SND1: variants seen among roughly 807,000 people sequenced by gnomAD.
The protein encoded by SND1 is staphylococcal nuclease and tudor domain containing 1, also known as staphylococcal nuclease domain-containing protein 1.
SND1 carries 38 observed loss-of-function variants against 121.7 expected under a neutral mutation model. That is an observed-to-expected ratio of 0.31 (90% confidence interval 0.24 to 0.41). The LOEUF (loss-of-function observed/expected upper bound fraction) is 0.41, where lower values mean the gene tolerates loss of function less well. SND1 is among the 10% of genes least tolerant of loss of function. SND1 has a pLI of 1.00. For synonymous variants in SND1, 401 were observed against 447.4 expected, an observed-to-expected ratio of 0.90 and a Z score of 1.31; for missense variants, 868 against 1,184.6, an observed-to-expected ratio of 0.73 and a Z score of 3.92.
Position 128,011,095 on chromosome 7 carries a change from C to T in SND1, c.1779+20039C>T, listed in dbSNP as rs1411586425. On this transcript the variant is annotated intron_variant, in intron 16 of 23. Transcript: ENST00000354725. ...CCAACACCCAAGAAGTTTTGGCGCA[C>T]ACTGTCCCCCCCACCCCCAAACACA... Among the ~76,000 whole-genome samples the T allele has an allele frequency of 2.6e-5, 4 of 151,914 alleles. No individual in the cohort carries two copies. In the East Asian group the frequency reaches 7.7e-4, roughly 29 times the overall value.
intron 2 of SND1, chr7:127,687,101 TATTA>T (rs1467696149): frequency 1.1e-5 from 2 of 181,572 alleles, no homozygotes; most frequent in African/African-American, 4.7e-5. Flanking sequence ...AGAGCTCTTT[TATTA>T]ATTTATTTTT....
intron 16 of SND1, among the ~76,000 whole-genome samples, chr7:128,064,879 A>G (rs1293135076): frequency 1.3e-5 from 2 of 152,236 alleles, no homozygotes; most frequent in African/African-American, 4.8e-5. Flanking sequence ...ACAGATATTT[A>G]AAAGGTCAAA....
At chr7:128,024,371 A>T (rs1022375444) in intron 16 of SND1, among the ~76,000 whole-genome samples, 1 of 152,096 alleles carries the variant, frequency 6.6e-6, no homozygotes, top group Non-Finnish European at 1.5e-5. Flanking sequence ...AATCAGACAT[A>T]TGTTTGGATA....
At chr7:128,064,751 A>G (rs1408682629) in intron 16 of SND1, among the ~76,000 whole-genome samples, 4 of 152,156 alleles carry the variant, frequency 2.6e-5, no homozygotes, top group African/African-American at 4.8e-5. Flanking sequence ...TTCAAGGGCC[A>G]TGTTGTTGGG....
In SND1 at chr7:127,765,004, A is replaced by C. The variant is rs1447211763; in HGVS notation, c.1153-42480A>C. On this transcript the variant is annotated intron_variant, in intron 10 of 23. Coordinates refer to ENST00000354725, the MANE Select transcript of SND1 (RefSeq NM_014390.4). Reference sequence around the variant, plus strand: ...TGTCGCTGTTGATGAATGGGAGGAGATTAAAGCCTGATTTTTGCAACGAGT... The same window carrying C: ...TGTCGCTGTTGATGAATGGGAGGAGCTTAAAGCCTGATTTTTGCAACGAGT... Among the ~76,000 whole-genome samples, 3 of 152,150 alleles carry C rather than the reference A, an allele frequency of 2.0e-5. No homozygotes were observed. The East Asian group carries it at 5.8e-4, about 29-fold the overall frequency.
intron 16 of SND1, among the ~76,000 whole-genome samples, chr7:128,065,829 T>C (rs1436248247): frequency 1.3e-5 from 2 of 152,172 alleles, no homozygotes; most frequent in Non-Finnish European, 2.9e-5. Context: ...ACTGGGAACA[T>C]GAGGAGGAGC....
intron 10 of SND1, among the ~76,000 whole-genome samples, chr7:127,766,185 A>G (rs943691285): frequency 6.6e-6 from 1 of 152,226 alleles, no homozygotes; most frequent in African/African-American, 2.4e-5. Flanking sequence ...ACAAGGTGCC[A>G]TCTTGGAAGC....
At chr7:127,960,092 G>A (rs552694265) in intron 15 of SND1, among the ~76,000 whole-genome samples, 1 of 152,144 alleles carries the variant, frequency 6.6e-6, no homozygotes. Context: ...GGAACTTACC[G>A]GGTGGCAAGA....
At chr7:127,899,580 C>T (rs753664710) in intron 13 of SND1, among the ~76,000 whole-genome samples, 3 of 152,044 alleles carry the variant, frequency 2.0e-5, no homozygotes, top group Non-Finnish European at 2.9e-5. Context: ...GCCACATGGT[C>T]GAGACCCATG....
chr7:127,759,057 A>AATAGATAG (rs1289095272), intron 10 of SND1, among the ~76,000 whole-genome samples: 70,203 of 145,150 alleles, frequency 0.48, 17,039 homozygotes, highest in Middle Eastern at 0.52. Context: ...CTGTCTCAAA[A>AATAGATAG]ATAGATAGAT....
At chr7:127,908,317 AATG>A in intron 14 of SND1, among the ~76,000 whole-genome samples, 1 of 78,630 alleles carries the variant, frequency 1.3e-5, no homozygotes, top group East Asian at 4.0e-4. Context: ...AATAATAATA[AATG>A]TGTGTGTGTG....
At chr7:127,875,760 A>G (rs1471299731) in intron 12 of SND1, among the ~76,000 whole-genome samples, 9 of 152,122 alleles carry the variant, frequency 5.9e-5, no homozygotes, top group Non-Finnish European at 1.3e-4. Context: ...CATCCTGTAG[A>G]TGTTCATTAT....
intron 1 of SND1, among the ~76,000 whole-genome samples, chr7:127,664,566 T>C (rs888817260): frequency 1.3e-5 from 2 of 152,226 alleles, no homozygotes; most frequent in African/African-American, 4.8e-5. Context: ...TCCTGAGTTG[T>C]ATACTTTTAT....
At chr7:127,737,159 G>A (rs1796792044) in intron 10 of SND1, among the ~76,000 whole-genome samples, 1 of 152,234 alleles carries the variant, frequency 6.6e-6, no homozygotes, top group African/African-American at 2.4e-5. Context: ...CTGACCTTGA[G>A]GAGGATGATG....
intron 1 of SND1, among the ~76,000 whole-genome samples, chr7:127,659,627 A>G (rs186074545): frequency 1.3e-5 from 2 of 152,296 alleles, no homozygotes; most frequent in Admixed American, 1.3e-4. Flanking sequence ...CCTCATGTAT[A>G]TCAAGAGGAA....
At chr7:127,708,955 C>T (rs1452496388) in intron 9 of SND1, among the ~76,000 whole-genome samples, 1 of 152,182 alleles carries the variant, frequency 6.6e-6, no homozygotes, top group Non-Finnish European at 1.5e-5. Context: ...TTTTAAGCAA[C>T]CTCTGAGGAA....
At position 127,686,782 on chromosome 7, in the gene SND1, A is replaced by G. The variant is rs1260263108; in HGVS notation, c.228+20A>G. The G allele has an allele frequency of 1.2e-6, 2 of 1,604,964 alleles. No homozygotes were observed. The highest frequency in any genetic ancestry group is 1.1e-5 in the South Asian group (1 of 90,740). ...GATGAGGTAGGTGTTTCCTGAGGCC[A>G]TCGTGAGCCTGTGGACCTAGGTAAT... On this transcript the variant is annotated intron_variant, in intron 2 of 23. Coordinates refer to ENST00000354725, the MANE Select transcript of SND1 (RefSeq NM_014390.4).
At position 127,991,676 on chromosome 7, in the gene SND1, C is replaced by G. The variant is rs115364869; in HGVS notation, c.1779+620C>G. Among the ~76,000 whole-genome samples, 886 of 152,260 alleles carry G rather than the reference C, an allele frequency of 5.8e-3. 16 individuals are homozygous for G. Among genetic ancestry groups the G allele is most frequent in the African/African-American group, 0.02 (845 of 41,536 alleles). On this transcript the variant is annotated intron_variant, in intron 16 of 23. Transcript: ENST00000354725. ...GAGCAGCAGGGAGGTGTGCTTGGCTCAGCCTTAGGATTTTTGAATCTGCCA... is the reference window on the plus strand; with the variant it reads ...GAGCAGCAGGGAGGTGTGCTTGGCTGAGCCTTAGGATTTTTGAATCTGCCA...
chr7:127,670,135 C>T (rs1177950821), intron 1 of SND1, among the ~76,000 whole-genome samples: 1 of 151,860 alleles, frequency 6.6e-6, no homozygotes, highest in African/African-American at 2.4e-5. Flanking sequence ...GGATCACAGG[C>T]GTGTGCCACT....
Sources: gnomAD v4.1 joint callset for allele counts (sites outside exome capture counted in the v4.1 genomes callset) on GRCh38, gnomAD v4.1.1 for gene constraint, MANE v1.5 for transcripts, NCBI Gene and HGNC (gene_info 2026-07-23, HGNC 2026-07-21) for gene names.